The following PRRC2B variants were observed in gnomAD, a reference collection of about 807,000 sequenced individuals.
PRRC2B encodes protein PRRC2B.
In PRRC2B, 68 loss-of-function variants were observed where a neutral mutation model predicts 242.3. That is an observed-to-expected ratio of 0.28 (90% CI 0.23 to 0.34). The LOEUF is 0.34. Ranked by LOEUF, PRRC2B falls within the 10% of genes least tolerant of loss-of-function variation. The probability of loss-of-function intolerance (pLI) is 1.00; values close to 1 mark genes in which losing one functional copy is unlikely to be tolerated. For missense variants in PRRC2B, 2,835 were observed against 2,954.8 expected (o/e 0.96, Z 0.94); for synonymous variants, 1,228 against 1,173.6 (o/e 1.05, Z -0.95).
intron 1 of PRRC2B, among the ~76,000 whole-genome samples, chr9:131,414,825 C>G (rs1214005103): frequency 1.3e-5 from 2 of 151,996 alleles, no homozygotes; most frequent in African/African-American, 2.4e-5. Flanking sequence ...CCGCCTTGGC[C>G]TCCCAAAGTG....
intron 1 of PRRC2B, among the ~76,000 whole-genome samples, chr9:131,395,537 C>T (rs757877570): frequency 6.6e-6 from 1 of 152,174 alleles, no homozygotes; most frequent in Non-Finnish European, 1.5e-5. Context: ...GGGGCGTGCA[C>T]CCTCCACCTG....
At position 131,487,414 on chromosome 9, in the gene PRRC2B, G is replaced by GT; in HGVS notation, c.5984+120_5984+121insT. ...TGCTTTGGGGCCAGTGGGGCGGGGA[G>GT]GGGTGGGAGTTTGCTCTGAATCACT... On this transcript the variant is annotated intron_variant, in intron 27 of 31. Transcript: ENST00000683519. This position sits in a 1 kb window ranked among gnomAD's most constrained non-coding sequence, Gnocchi z 5.3. 1 of 829,852 alleles carries GT rather than the reference G, an allele frequency of 1.2e-6. No homozygotes were observed. The allele number at this position is 829,852 out of a possible 1,614,324, so 51.4% of individuals were successfully genotyped here. A position where few individuals can be genotyped will look rare whatever the true frequency, so the allele number is the denominator to read the frequency against.
At chr9:131,438,259 G>A (rs1040245320) in intron 4 of PRRC2B, among the ~76,000 whole-genome samples, 2 of 152,156 alleles carry the variant, frequency 1.3e-5, no homozygotes, top group Non-Finnish European at 2.9e-5. Flanking sequence ...TTAGAGACTC[G>A]AAAGGGCACT....
At chr9:131,375,028 G>T (rs1226578110) in intron 1 of PRRC2B, among the ~76,000 whole-genome samples, 1 of 152,182 alleles carries the variant, frequency 6.6e-6, no homozygotes, top group Non-Finnish European at 1.5e-5. Context: ...AGACTACCCA[G>T]GTTTGAGTCC....
chr9:131,441,160 A>T (rs543299018), intron 5 of PRRC2B, among the ~76,000 whole-genome samples: 29 of 152,184 alleles, frequency 1.9e-4, no homozygotes, highest in Non-Finnish European at 8.8e-5. Context: ...AATGTTGTAT[A>T]TGCATGTTTT....
intron 3 of PRRC2B, among the ~76,000 whole-genome samples, chr9:131,433,395 G>C (rs541668084): frequency 1.3e-5 from 2 of 152,214 alleles, no homozygotes; most frequent in East Asian, 1.9e-4. Context: ...GAAACCCTAG[G>C]GGGCAGAGGG....
intron 1 of PRRC2B, among the ~76,000 whole-genome samples, chr9:131,407,915 T>C (rs1837408380): frequency 6.6e-6 from 1 of 152,306 alleles, no homozygotes; most frequent in South Asian, 2.1e-4. Flanking sequence ...AGGAGGATGC[T>C]CTCTGCAGCT....
intron 1 of PRRC2B, among the ~76,000 whole-genome samples, chr9:131,412,516 G>A (rs1189893289): frequency 6.6e-6 from 1 of 152,226 alleles, no homozygotes; most frequent in Non-Finnish European, 1.5e-5. Context: ...ATATACCTAG[G>A]TTTGGAGTTA....
At position 131,474,651 on chromosome 9, in the gene PRRC2B, G is replaced by T. The variant is rs1331151565; in HGVS notation, c.2522G>T (p.Gly841Val). 1 of 1,613,646 alleles carries T rather than the reference G, an allele frequency of 6.2e-7. No individual in the cohort carries two copies. Among genetic ancestry groups the T allele is most frequent in the Non-Finnish European group, 8.5e-7 (1 of 1,179,828 alleles). The change falls in exon 16 of 32, where the codon GGT becomes GTT. Residue 841 changes from glycine (G) to valine (V), a missense_variant. Gly to Val is a moderately radical substitution (Grantham distance 109, BLOSUM62 -3). Transcript: ENST00000683519. ...CCCCAAGAAAATGTTCAGGATGCAG[G>T]TGCTCCTGGGGGTCACACCCAAAAC... ...FPPQENVQDAGAPGGHTQNLR... is the reference protein window; with the variant it reads ...FPPQENVQDAVAPGGHTQNLR...
intron 11 of PRRC2B, among the ~76,000 whole-genome samples, chr9:131,462,094 G>A (rs1332724500): frequency 6.6e-6 from 1 of 152,082 alleles, no homozygotes; most frequent in Non-Finnish European, 1.5e-5. Flanking sequence ...GTGCTGATCA[G>A]TATTCAAAAG....
chr9:131,451,330 C>T (rs1221071642), intron 9 of PRRC2B, among the ~76,000 whole-genome samples: 3 of 151,824 alleles, frequency 2.0e-5, no homozygotes, highest in Non-Finnish European at 4.4e-5. Flanking sequence ...ACTCGGGAGG[C>T]GGAGGTTGCA....
intron 1 of PRRC2B, among the ~76,000 whole-genome samples, chr9:131,420,498 T>TCC (rs1564278664): frequency 2.2e-5 from 2 of 90,742 alleles, no homozygotes; most frequent in African/African-American, 4.6e-5. Flanking sequence ...TCTTTCTTTT[T>TCC]TTTTTTTTTT....
intron 13 of PRRC2B, among the ~76,000 whole-genome samples, chr9:131,468,974 A>G (rs74593408): frequency 7.4e-4 from 113 of 152,236 alleles, no homozygotes; most frequent in Non-Finnish European, 1.4e-3. Flanking sequence ...CTTGCGCCAA[A>G]CCTAGCAGCG....
chr9:131,463,770 G>A (rs1943310553), intron 11 of PRRC2B, among the ~76,000 whole-genome samples: 1 of 151,184 alleles, frequency 6.6e-6, no homozygotes, highest in Non-Finnish European at 1.5e-5. Flanking sequence ...ATAAGCATGT[G>A]CCCATCCCCA....
chr9:131,379,151 C>G (rs889099662), intron 1 of PRRC2B, among the ~76,000 whole-genome samples: 1 of 152,140 alleles, frequency 6.6e-6, no homozygotes, highest in African/African-American at 2.4e-5. Flanking sequence ...CCATGTGGTA[C>G]CATGTGTCAG....
rs114958059 is a variant in PRRC2B, at chr9:131,480,553, G to C, written c.4900+1160G>C. On this transcript the variant is annotated intron_variant, in intron 19 of 31. Transcript: ENST00000683519. ...TCTGCAGGGGCTCATTGGTTTCTCA[G>C]ACCAGGGGTTGTGTCCAAGGGATGG... Among the ~76,000 whole-genome samples, 475 of 152,082 alleles carry C rather than the reference G, an allele frequency of 3.1e-3. 2 individuals carry two copies. The highest frequency in any genetic ancestry group is 0.011 in the African/African-American group (462 of 41,478).
At chr9:131,424,306 C>T (rs1321159634) in intron 1 of PRRC2B, among the ~76,000 whole-genome samples, 1 of 152,056 alleles carries the variant, frequency 6.6e-6, no homozygotes, top group Non-Finnish European at 1.5e-5. Flanking sequence ...AGGGTCAGTG[C>T]TTGTCTAGGC....
At chr9:131,450,213 A>G (rs1942867402) in intron 9 of PRRC2B, among the ~76,000 whole-genome samples, 1 of 151,792 alleles carries the variant, frequency 6.6e-6, no homozygotes, top group African/African-American at 2.4e-5. Context: ...GCCTGCGGGC[A>G]TTTTGGTTAG....
Position 131,494,811 on chromosome 9 carries a change from C to T in PRRC2B, c.6555+325C>T, listed in dbSNP as rs527573923. Among the ~76,000 whole-genome samples, 4 of 152,110 alleles carry T rather than the reference C, an allele frequency of 2.6e-5. No individual in the cohort carries two copies. The South Asian group carries it at 6.2e-4, about 24-fold the overall frequency. ...GGGAGACTCGGTTAGGTTTGGGGGT[C>T]GGCTTTAGGAGCCGGGGTGCGCGCG... On this transcript the variant is annotated intron_variant, in intron 31 of 31. Transcript: ENST00000683519. The surrounding 1 kb of genome is among the most constrained non-coding windows in gnomAD (Gnocchi z 4.3).
Sources: gnomAD v4.1 joint callset for allele counts (sites outside exome capture counted in the v4.1 genomes callset) on GRCh38, gnomAD v4.1.1 for gene constraint, Gnocchi (gnomAD v3.1) non-coding constraint, MANE v1.5 for transcripts, NCBI Gene and HGNC (gene_info 2026-07-23, HGNC 2026-07-21) for gene names.